TIMP2: variants seen among roughly 807,000 people sequenced by gnomAD.
TIMP2 encodes TIMP metallopeptidase inhibitor 2.
TIMP2 carries 5 observed loss-of-function variants against 24.3 expected under a neutral mutation model. The ratio of observed to expected loss-of-function variants is 0.21; its 90% CI spans 0.11 to 0.43. The LOEUF is 0.43. Ranked by LOEUF, TIMP2 falls within the 20% of genes least tolerant of loss-of-function variation. The pLI is 1.00. For synonymous variants in TIMP2, 130 were observed against 123.2 expected (o/e 1.06, Z -0.37); for missense variants, 221 against 297.5 (o/e 0.74, Z 1.89).
intron 3 of TIMP2, among the ~76,000 whole-genome samples, chr17:78,869,585 C>T (rs1194155617): frequency 2.0e-5 from 3 of 151,482 alleles, no homozygotes; most frequent in Non-Finnish European, 4.4e-5. Flanking sequence ...CTGAGGTGGG[C>T]GGATCACCTG....
chr17:78,858,259 G>A (rs550524104), intron 3 of TIMP2, among the ~76,000 whole-genome samples: 11 of 152,036 alleles, frequency 7.2e-5, no homozygotes, highest in African/African-American at 9.6e-5. Flanking sequence ...TGGCTAACAC[G>A]GTGAAACCCC....
intron 1 of TIMP2, chr17:78,904,721 C>T (rs1237049564): frequency 6.6e-6 from 1 of 152,308 alleles, no homozygotes; most frequent in African/African-American, 2.4e-5. Context: ...AAGAGACTGG[C>T]ATCTGAACCG....
At chr17:78,900,800 T>C (rs577936242) in intron 1 of TIMP2, among the ~76,000 whole-genome samples, 4 of 152,340 alleles carry the variant, frequency 2.6e-5, no homozygotes, top group Non-Finnish European at 4.4e-5. Context: ...CTAAAACTTA[T>C]ATGTGGGTCC....
intron 1 of TIMP2, chr17:78,890,675 G>T: frequency 6.4e-7 from 1 of 1,550,452 alleles, no homozygotes; most frequent in Non-Finnish European, 8.7e-7. Flanking sequence ...GCATTTCCGG[G>T]CTTCTTCAAG....
intron 1 of TIMP2, among the ~76,000 whole-genome samples, chr17:78,892,750 G>C (rs1012365741): frequency 2.6e-5 from 4 of 152,198 alleles, no homozygotes; most frequent in African/African-American, 9.6e-5. Context: ...ATGCAGGGAG[G>C]AGGTGCTCCG....
In TIMP2 at chr17:78,925,312, C is replaced by CGGCGGGGT. The variant is rs2070343061; in HGVS notation, c.-232_-225dup. ...GCGGGGCGCAATTCGCCGGGCGGGG[C>CGGCGGGGT]GGCGGGGTGGGGGGCGGCGGGCGAG... On this transcript the variant is annotated 5_prime_UTR_variant, in exon 1 of 5. Transcript: ENST00000262768. 1 of 35,208 alleles carries CGGCGGGGT rather than the reference C, an allele frequency of 2.8e-5. No homozygotes were observed. The highest frequency in any genetic ancestry group is 6.8e-4 in the East Asian group (1 of 1,470). The allele number at this position is 35,208 out of a possible 1,614,324, so 2.2% of individuals were successfully genotyped here. A position where few individuals can be genotyped will look rare whatever the true frequency, so the allele number is the denominator to read the frequency against.
chr17:78,902,047 G>A, intron 1 of TIMP2: 1 of 524,888 alleles, frequency 1.9e-6, no homozygotes, highest in Non-Finnish European at 3.4e-6. Flanking sequence ...CCAGAGGCTT[G>A]GTTTTCGCCC....
chr17:78,917,809 T>C lies in TIMP2; in HGVS notation c.130+7150A>G, dbSNP rs559493738. ...GGTCTGCCTCGGACTCCCCTCGTGG[T>C]GGTAGTGTCTGAGCGGATCCTGGCT... On this transcript the variant is annotated intron_variant, in intron 1 of 4. Transcript: ENST00000262768. Among the ~76,000 whole-genome samples the C allele has an allele frequency of 2.6e-5, 4 of 152,160 alleles. No homozygotes were observed. The South Asian group carries it at 8.3e-4, about 32-fold the overall frequency.
chr17:78,906,539 T>C (rs1333496525), intron 1 of TIMP2, among the ~76,000 whole-genome samples: 17 of 152,070 alleles, frequency 1.1e-4, no homozygotes, highest in Admixed American at 1.1e-3. Context: ...TTGCTGAAGA[T>C]TGGGGTTGGC....
chr17:78,879,954 G>T (rs2069764507), intron 1 of TIMP2, among the ~76,000 whole-genome samples: 1 of 152,036 alleles, frequency 6.6e-6, no homozygotes, highest in African/African-American at 2.4e-5. Context: ...AAGGTCGCGG[G>T]AGACGATCCA....
At chr17:78,903,278 G>A (rs2070124230) in intron 1 of TIMP2, 3 of 152,456 alleles carry the variant, frequency 2.0e-5, no homozygotes, top group South Asian at 4.1e-4. Flanking sequence ...GGACAGCTGT[G>A]AGCCAGCCAG....
chr17:78,918,065 A>ACACACACGCGCACAC (rs1555652947), intron 1 of TIMP2, among the ~76,000 whole-genome samples: 25 of 144,934 alleles, frequency 1.7e-4, no homozygotes, highest in African/African-American at 6.2e-4. Context: ...TGCACACACA[A>ACACACACGCGCACAC]ACACACACAC....
rs558406272 is a variant in TIMP2, at chr17:78,923,638, A to C, written c.130+1321T>G. Among the ~76,000 whole-genome samples the C allele has an allele frequency of 4.6e-5, 7 of 151,538 alleles. No homozygotes were observed. In the South Asian group the frequency reaches 1.5e-3, roughly 32 times the overall value. Reference sequence around the variant, plus strand: ...CAAATCTTGCTGAGCACCAAGGCTAAACTGGAGAAAAGACCTCATTTCCCC... The same window carrying C: ...CAAATCTTGCTGAGCACCAAGGCTACACTGGAGAAAAGACCTCATTTCCCC... On this transcript the variant is annotated intron_variant, in intron 1 of 4. Transcript: ENST00000262768.
intron 1 of TIMP2, among the ~76,000 whole-genome samples, chr17:78,918,811 C>T (rs1267976582): frequency 6.6e-6 from 1 of 152,022 alleles, no homozygotes; most frequent in Non-Finnish European, 1.5e-5. Context: ...CCAGCCTGGG[C>T]AACATGGCGA....
At chr17:78,887,677 G>A (rs1017089046) in intron 1 of TIMP2, among the ~76,000 whole-genome samples, 1 of 150,202 alleles carries the variant, frequency 6.7e-6, no homozygotes, top group Non-Finnish European at 1.5e-5. Flanking sequence ...GAGCAAACGC[G>A]CCCAGCCTCA....
intron 4 of TIMP2, chr17:78,856,933 A>C (rs1323215345): frequency 2.0e-5 from 3 of 152,532 alleles, no homozygotes; most frequent in African/African-American, 7.2e-5. Flanking sequence ...TGGAAGCTAC[A>C]GGTAACAGAG....
chr17:78,878,237 T>G (rs1451076515), intron 1 of TIMP2, among the ~76,000 whole-genome samples: 2 of 152,160 alleles, frequency 1.3e-5, no homozygotes, highest in Non-Finnish European at 2.9e-5. Flanking sequence ...GAGACAGAGA[T>G]CCTGCATTCA....
At chr17:78,885,112 T>G (rs993871496) in intron 1 of TIMP2, among the ~76,000 whole-genome samples, 2 of 152,188 alleles carry the variant, frequency 1.3e-5, no homozygotes, top group East Asian at 1.9e-4. Context: ...CGTCCAAGCC[T>G]CACGGACCAA....
chr17:78,907,955 G>C (rs911954091), intron 1 of TIMP2, among the ~76,000 whole-genome samples: 1 of 152,018 alleles, frequency 6.6e-6, no homozygotes, highest in African/African-American at 2.4e-5. Context: ...ACAACATGGC[G>C]AAACCCCATC....
Sources: allele counts gnomAD v4.1 joint callset (sites outside exome capture counted in the v4.1 genomes callset), GRCh38; gene constraint gnomAD v4.1.1; transcripts MANE v1.5; gene names NCBI Gene and HGNC (gene_info 2026-07-23, HGNC 2026-07-21).